The following DNAJC16 variants were observed in gnomAD, a reference collection of about 807,000 sequenced individuals.
The protein encoded by DNAJC16 is DnaJ heat shock protein family (Hsp40) member C16.
A neutral mutation model predicts 92.7 loss-of-function variants in DNAJC16; 76 were observed. The observed-to-expected ratio is 0.82, with a 90% CI of 0.68 to 0.99. DNAJC16 has a LOEUF of 0.99. Ranked by LOEUF, DNAJC16 falls within the 50% of genes least tolerant of loss-of-function variation. DNAJC16 has a pLI of 0.00. For missense variants in DNAJC16, 869 were observed against 942.4 expected (o/e 0.92, Z 1.02); for synonymous variants, 328 against 358.7 (o/e 0.91, Z 0.97).
At chr1:15,546,911 TTTTC>T in intron 6 of DNAJC16, 40 bp downstream of exon 6, 2 of 1,336,660 alleles carry the variant, frequency 1.5e-6, no homozygotes, top group Non-Finnish European at 2.0e-6. Context: ...TTTTCTTTTC[TTTTC>T]TTTTTTTTTT....
At chr1:15,567,413 C>G in intron 14 of DNAJC16, 144 bp downstream of exon 14, 1 of 852,466 alleles carries the variant, frequency 1.2e-6, no homozygotes. Context: ...ATCCAGACAT[C>G]TGAGCCATTG....
At chr1:15,552,383 G>A (rs1638465840) in intron 7 of DNAJC16, among the ~76,000 whole-genome samples, 1 of 151,932 alleles carries the variant, frequency 6.6e-6, no homozygotes, top group African/African-American at 2.4e-5. Context: ...CAGCTATTCG[G>A]GAGGCGGAGG....
At chr1:15,552,772 T>A (rs992302860) in intron 7 of DNAJC16, among the ~76,000 whole-genome samples, 4 of 146,904 alleles carry the variant, frequency 2.7e-5, no homozygotes, top group Non-Finnish European at 3.0e-5. Flanking sequence ...TATTATTTAT[T>A]TTTTTTTTTT....
chr1:15,561,687 AAAAAT>A (rs1250423730), intron 8 of DNAJC16, among the ~76,000 whole-genome samples: 1 of 151,956 alleles, frequency 6.6e-6, no homozygotes, highest in Non-Finnish European at 1.5e-5. Flanking sequence ...CTCCATCTCA[AAAAAT>A]AAAATGAAAG....
intron 2 of DNAJC16, among the ~76,000 whole-genome samples, chr1:15,531,045 C>G (rs1297428436): frequency 2.0e-5 from 3 of 152,160 alleles, no homozygotes; most frequent in African/African-American, 7.2e-5. Context: ...ATCTGTGGTA[C>G]CTCTGGGTTC....
chr1:15,532,030 A>G (rs753498197), intron 2 of DNAJC16, among the ~76,000 whole-genome samples: 1 of 152,182 alleles, frequency 6.6e-6, no homozygotes, highest in Non-Finnish European at 1.5e-5. Flanking sequence ...AAACCATTTG[A>G]CTTTACTTTT....
In DNAJC16 at chr1:15,529,003, A is replaced by G. The variant is rs1406592093; in HGVS notation, c.-18-85A>G. 6 of 1,172,820 alleles carry G rather than the reference A, an allele frequency of 5.1e-6. No homozygotes were observed. The Admixed American group carries it at 1.2e-4, about 24-fold the overall frequency. 72.7% of individuals were successfully genotyped at this position (1,172,820 alleles called of 1,614,324 possible). ...ATACCTTTTGTTGGTTTTGTTTTTC[A>G]TCTATATATCTTATACCTTTACCTA... is the stretch of plus-strand genomic sequence containing the variant. On this transcript the variant is annotated intron_variant, in intron 1 of 14. Transcript: ENST00000375847.
At chr1:15,535,922 G>T (rs1249817786) in intron 3 of DNAJC16, among the ~76,000 whole-genome samples, 1 of 150,538 alleles carries the variant, frequency 6.6e-6, no homozygotes. Flanking sequence ...GCACCACCAT[G>T]CCTGGCCGAT....
At chr1:15,556,612 A>G (rs1201017293) in intron 7 of DNAJC16, among the ~76,000 whole-genome samples, 1 of 152,248 alleles carries the variant, frequency 6.6e-6, no homozygotes, top group Non-Finnish European at 1.5e-5. Context: ...CATCTTTTAG[A>G]TCAGCTAACT....
rs1228292952 is a variant in DNAJC16, at chr1:15,570,295, G to T, written c.*2118G>T. The T allele has an allele frequency of 6.6e-6, 1 of 152,132 alleles. No individual in the cohort carries two copies. Among genetic ancestry groups the T allele is most frequent in the Admixed American group, 6.5e-5 (1 of 15,284 alleles). 9.4% of individuals were successfully genotyped at this position (152,132 alleles called of 1,614,324 possible). A position where few individuals can be genotyped will look rare whatever the true frequency, so the allele number is the denominator to read the frequency against. ...ATATGAGTGGTCTTTTGGTTTGGTA[G>T]TAGGTTTTTATTTTTAATTTCTGTA... On this transcript the variant is annotated 3_prime_UTR_variant, in exon 15 of 15. Transcript: ENST00000375847.
At chr1:15,556,199 G>T (rs942389941) in intron 7 of DNAJC16, among the ~76,000 whole-genome samples, 7 of 148,732 alleles carry the variant, frequency 4.7e-5, no homozygotes, top group African/African-American at 1.7e-4. Flanking sequence ...CTGTTTGCTG[G>T]TATAAGTAAT....
rs1247098044 is a variant in DNAJC16, at chr1:15,546,924, T to TTC, written c.864+54_864+55insCT. 3.0e-5 allele frequency: 42 copies of TTC among 1,391,528 alleles called. 1 individual carries two copies. The highest frequency in any genetic ancestry group is 3.7e-4 in the Middle Eastern group (2 of 5,468). 86.2% of individuals were successfully genotyped at this position (1,391,528 alleles called of 1,614,324 possible). On this transcript the variant is annotated intron_variant, in intron 6 of 14. Coordinates refer to ENST00000375847, the MANE Select transcript of DNAJC16 (RefSeq NM_015291.4). ...CTTTTTCTTTTCTTTTCTTTTTTTT[T>TTC]TTTTTTTTTTAGCAGAAAGTAATCT...
intron 10 of DNAJC16, 71 bp downstream of exon 10, chr1:15,564,182 C>T: frequency 6.3e-7 from 1 of 1,590,288 alleles, no homozygotes; most frequent in East Asian, 2.2e-5. Flanking sequence ...TGGCGGATTT[C>T]TGCTCAGAGC....
chr1:15,552,637 T>C (rs1638472176), intron 7 of DNAJC16, among the ~76,000 whole-genome samples: 2 of 152,008 alleles, frequency 1.3e-5, no homozygotes, highest in Non-Finnish European at 2.9e-5. Context: ...TTTTTTTATT[T>C]TAATTTTTTT....
intron 4 of DNAJC16, among the ~76,000 whole-genome samples, chr1:15,541,853 T>C (rs980707248): frequency 6.6e-6 from 1 of 152,188 alleles, no homozygotes; most frequent in Non-Finnish European, 1.5e-5. Context: ...ACAGATCTCC[T>C]AACACCCTTG....
Position 15,568,400 on chromosome 1 carries a change from T to C in DNAJC16, c.*223T>C, listed in dbSNP as rs527643022. 3.7e-6 allele frequency: 2 copies of C among 542,592 alleles called. No individual in the cohort carries two copies. The highest frequency in any genetic ancestry group is 3.4e-5 in the Admixed American group (1 of 29,034). 33.6% of individuals were successfully genotyped at this position (542,592 alleles called of 1,614,324 possible). On this transcript the variant is annotated 3_prime_UTR_variant, in exon 15 of 15. Coordinates refer to ENST00000375847, the MANE Select transcript of DNAJC16 (RefSeq NM_015291.4). ...TGAAAATCTTTTCCTCTGGGTGTTA[T>C]TTTTCCCCACTGAATGCCACACCAT...
At chr1:15,562,598 A>T (rs1266773205) in intron 9 of DNAJC16, among the ~76,000 whole-genome samples, 1 of 149,724 alleles carries the variant, frequency 6.7e-6, no homozygotes, top group Non-Finnish European at 1.5e-5. Flanking sequence ...TGATCCTCCC[A>T]CCTCAGCCTC....
At chr1:15,564,525 T>A (rs999283183) in intron 11 of DNAJC16, among the ~76,000 whole-genome samples, 166 bp downstream of exon 11, 6 of 150,472 alleles carry the variant, frequency 4.0e-5, no homozygotes, top group African/African-American at 7.4e-5. Context: ...TTCAGTAACT[T>A]CCCTTTTTTT....
At chr1:15,556,470 C>G (rs1254970804) in intron 7 of DNAJC16, among the ~76,000 whole-genome samples, 1 of 152,096 alleles carries the variant, frequency 6.6e-6, no homozygotes, top group Admixed American at 6.6e-5. Flanking sequence ...GTGATCTGCC[C>G]GCCTCGGCCT....
Sources: allele counts gnomAD v4.1 joint callset (sites outside exome capture counted in the v4.1 genomes callset), GRCh38; gene constraint gnomAD v4.1.1; transcripts MANE v1.5; gene names NCBI Gene and HGNC (gene_info 2026-07-23, HGNC 2026-07-21).